The following SLC41A3 variants were observed in gnomAD, a reference collection of about 807,000 sequenced individuals.
SLC41A3 encodes SLC41A1-like 2.
Under a neutral mutation model 45.4 loss-of-function variants are expected in SLC41A3, and 44 were observed. That is an observed-to-expected ratio of 0.97 (90% confidence interval 0.76 to 1.25). SLC41A3 has a LOEUF of 1.25. SLC41A3 is among the 50% of genes most tolerant of loss of function. The pLI, the probability that SLC41A3 is intolerant of heterozygous loss-of-function variation, is 0.00. For missense variants in SLC41A3, 550 were observed against 600.6 expected, an observed-to-expected ratio of 0.92 and a Z score of 0.88; for synonymous variants, 256 against 252.4, an observed-to-expected ratio of 1.01 and a Z score of -0.13.
chr3:126,053,455 A>G (rs911639159), intron 2 of SLC41A3, among the ~76,000 whole-genome samples: 3 of 152,242 alleles, frequency 2.0e-5, no homozygotes, highest in Non-Finnish European at 2.9e-5. Flanking sequence ...TAGCAAACTA[A>G]TACAAATGTA....
chr3:126,010,636 G>A lies in SLC41A3; in HGVS notation c.1106-1756C>T, dbSNP rs540166062. Among the ~76,000 whole-genome samples the A allele has an allele frequency of 3.9e-5, 6 of 152,342 alleles. No individual in the cohort carries two copies. In the East Asian group the frequency reaches 7.7e-4, roughly 20 times the overall value. On this transcript the variant is annotated intron_variant, in intron 9 of 10. Transcript: ENST00000360370. ...CCCCGACCTCATCAGGAAAGGCCTG[G>A]TGGGACCACCATCATCTCCTGTGGC... is the stretch of plus-strand genomic sequence containing the variant.
chr3:126,069,356 T>A (rs1944507883), intron 1 of SLC41A3, among the ~76,000 whole-genome samples: 1 of 152,090 alleles, frequency 6.6e-6, no homozygotes, highest in East Asian at 2.0e-4. Flanking sequence ...TGCATGGAGT[T>A]CCAGGCACGG....
intron 6 of SLC41A3, among the ~76,000 whole-genome samples, chr3:126,021,020 G>A (rs936341052): frequency 4.0e-5 from 6 of 151,732 alleles, no homozygotes; most frequent in Non-Finnish European, 4.4e-5. Flanking sequence ...TCAGCCTGCC[G>A]AGTAGCTGGG....
intron 3 of SLC41A3, among the ~76,000 whole-genome samples, chr3:126,040,893 C>T (rs1942548869): frequency 6.6e-6 from 1 of 152,126 alleles, no homozygotes; most frequent in South Asian, 2.1e-4. Context: ...GAGTTTGAAA[C>T]TCAACAAAGT....
intron 1 of SLC41A3, among the ~76,000 whole-genome samples, chr3:126,093,432 C>T (rs566480490): frequency 1.3e-5 from 2 of 152,348 alleles, no homozygotes; most frequent in South Asian, 2.1e-4. Flanking sequence ...CATTCCCTCA[C>T]CCCTGTACAA....
upstream of SLC41A3, among the ~76,000 whole-genome samples, chr3:126,086,226 A>C (rs964128170): frequency 6.6e-6 from 1 of 152,168 alleles, no homozygotes; most frequent in Admixed American, 6.5e-5. Flanking sequence ...ATGGAAATAT[A>C]ATGATCCTTG....
At chr3:126,031,814 T>G (rs1173997121) in intron 4 of SLC41A3, among the ~76,000 whole-genome samples, 1 of 152,216 alleles carries the variant, frequency 6.6e-6, no homozygotes, top group Non-Finnish European at 1.5e-5. Flanking sequence ...ATTTATTACC[T>G]GCCCCTTGCT....
Position 126,021,116 on chromosome 3 carries a change from G to A in SLC41A3, c.745+1670C>T, listed in dbSNP as rs553378947. On this transcript the variant is annotated intron_variant, in intron 6 of 10. Transcript: ENST00000360370. Reference sequence around the variant, plus strand: ...TCACCGTGTTAGCCAGGATGGTCTTGATCTCCTGACCTCGTGATCCGCCCG... The same window carrying A: ...TCACCGTGTTAGCCAGGATGGTCTTAATCTCCTGACCTCGTGATCCGCCCG... Among the ~76,000 whole-genome samples the A allele has an allele frequency of 5.9e-5, 9 of 152,268 alleles. No homozygotes were observed. In the South Asian group the frequency reaches 8.3e-4, roughly 14 times the overall value.
At chr3:126,078,208 A>G (rs902626436) in intron 1 of SLC41A3, among the ~76,000 whole-genome samples, 2 of 152,204 alleles carry the variant, frequency 1.3e-5, no homozygotes, top group African/African-American at 4.8e-5. Flanking sequence ...TCCTAACAGC[A>G]GAACCCATTC....
rs1945310465 is a variant in SLC41A3, at chr3:126,084,084, C to G, written c.-28+9G>C. 1 of 152,316 alleles carries G rather than the reference C, an allele frequency of 6.6e-6. No homozygotes were observed. Among genetic ancestry groups the G allele is most frequent in the South Asian group, 2.1e-4 (1 of 4,828 alleles). The allele number at this position is 152,316 out of a possible 1,614,324, so 9.4% of individuals were successfully genotyped here. On this transcript the variant is annotated intron_variant, in intron 1 of 10. Transcript: ENST00000360370. ...GCCCCAACCCCGCCCGGAACAGGGC[C>G]GCGCTTACCGGGTCCCCTCCCAGGC...
chr3:126,057,134 T>C, intron 2 of SLC41A3: 2 of 986,260 alleles, frequency 2.0e-6, no homozygotes, highest in Non-Finnish European at 1.2e-6. Flanking sequence ...TCGAGTTTTA[T>C]TCCTCAAGGT....
upstream of SLC41A3, chr3:126,084,269 C>G (rs1318985737): frequency 6.6e-6 from 1 of 152,092 alleles, no homozygotes; most frequent in East Asian, 2.0e-4. Flanking sequence ...TCCGGCAGCG[C>G]AGAGCCCCGC....
At chr3:126,030,846 A>G (rs536297779) in intron 4 of SLC41A3, among the ~76,000 whole-genome samples, 16 of 152,342 alleles carry the variant, frequency 1.1e-4, no homozygotes, top group African/African-American at 3.8e-4. Flanking sequence ...TATGTGAGAA[A>G]ATGGTTCTCT....
intron 2 of SLC41A3, 83 bp from the exon 3 acceptor site, chr3:126,051,133 T>C: frequency 7.2e-7 from 1 of 1,397,574 alleles, no homozygotes; most frequent in Non-Finnish European, 9.5e-7. Flanking sequence ...CTTCAGCAAG[T>C]CACTTTTCAC....
chr3:126,019,891 C>T (rs1189857748), intron 6 of SLC41A3, among the ~76,000 whole-genome samples: 4 of 152,050 alleles, frequency 2.6e-5, no homozygotes, highest in Non-Finnish European at 4.4e-5. Flanking sequence ...CATGGCTCCA[C>T]TAGGCATTGT....
At chr3:126,044,005 G>A (rs1212052945) in intron 3 of SLC41A3, among the ~76,000 whole-genome samples, 1 of 151,920 alleles carries the variant, frequency 6.6e-6, no homozygotes, top group Non-Finnish European at 1.5e-5. Flanking sequence ...AATGGATTAA[G>A]AACAAAACAA....
intron 1 of SLC41A3, among the ~76,000 whole-genome samples, chr3:126,096,221 G>T (rs772221790): frequency 2.6e-5 from 4 of 152,340 alleles, no homozygotes; most frequent in Non-Finnish European, 5.9e-5. Flanking sequence ...TGGAGGCTCT[G>T]TGATTTCAAT....
intron 1 of SLC41A3, among the ~76,000 whole-genome samples, chr3:126,096,317 C>T (rs1576391385): frequency 6.6e-6 from 1 of 152,090 alleles, no homozygotes; most frequent in South Asian, 2.1e-4. Context: ...AGTAGCTCAC[C>T]GTGACAAAGG....
chr3:126,044,144 G>A (rs1469354223), intron 3 of SLC41A3, among the ~76,000 whole-genome samples: 1 of 152,230 alleles, frequency 6.6e-6, no homozygotes, highest in Non-Finnish European at 1.5e-5. Context: ...GAGGGCAGAG[G>A]TGGCTATGCT....
Sources: allele counts gnomAD v4.1 joint callset (sites outside exome capture counted in the v4.1 genomes callset), GRCh38; gene constraint gnomAD v4.1.1; transcripts MANE v1.5; gene names NCBI Gene and HGNC (gene_info 2026-07-23, HGNC 2026-07-21).